Variants in RSPO2 observed in about 807,000 individuals in gnomAD.
RSPO2 encodes R-spondin 2, also known as R-spondin-2.
In RSPO2, 14 loss-of-function variants were observed where a neutral mutation model predicts 30.9. The observed-to-expected ratio is 0.45, with a 90% CI of 0.30 to 0.71. The LOEUF (loss-of-function observed/expected upper bound fraction) is 0.71. RSPO2 is among the 30% of genes least tolerant of loss of function. The pLI, the probability that RSPO2 is intolerant of heterozygous loss-of-function variation, is 0.08. For missense variants in RSPO2, 264 were observed against 301.9 expected (o/e 0.87, Z 0.93); for synonymous variants, 107 against 96.4 (o/e 1.11, Z -0.64).
chr8:107,994,042 G>A (rs1055636895), intron 2 of RSPO2, among the ~76,000 whole-genome samples: 1 of 152,018 alleles, frequency 6.6e-6, no homozygotes, highest in Admixed American at 6.6e-5. Context: ...ATGAGTTGGG[G>A]TCATGGGGTG....
chr8:107,952,288 T>C (rs904599954), intron 5 of RSPO2, among the ~76,000 whole-genome samples: 1 of 90,204 alleles, frequency 1.1e-5, no homozygotes, highest in African/African-American at 3.6e-5. Flanking sequence ...CACACACACA[T>C]GCACACACAC....
intron 2 of RSPO2, among the ~76,000 whole-genome samples, chr8:108,038,696 G>A (rs1008721445): frequency 4.6e-5 from 7 of 151,268 alleles, no homozygotes; most frequent in Non-Finnish European, 8.8e-5. Flanking sequence ...CAACATCAAA[G>A]CAAGACCCTC....
intron 5 of RSPO2, among the ~76,000 whole-genome samples, chr8:107,929,557 G>T (rs1411334725): frequency 6.6e-6 from 1 of 152,144 alleles, no homozygotes; most frequent in Non-Finnish European, 1.5e-5. Context: ...GGAGGACAGA[G>T]AACTTTTTCA....
chr8:107,948,831 G>A (rs1445422571), intron 5 of RSPO2, among the ~76,000 whole-genome samples: 1 of 150,136 alleles, frequency 6.7e-6, no homozygotes, highest in Non-Finnish European at 1.5e-5. Context: ...CTGTGCTCTA[G>A]CCTGGGCAAC....
chr8:107,933,449 T>C (rs1002331946), intron 5 of RSPO2, among the ~76,000 whole-genome samples: 1 of 152,184 alleles, frequency 6.6e-6, no homozygotes, highest in African/African-American at 2.4e-5. Context: ...CCCATTTATA[T>C]ATATAAATTT....
Position 107,936,315 on chromosome 8 carries a change from T to A in RSPO2, c.616+21765A>T, listed in dbSNP as rs898461125. On this transcript the variant is annotated intron_variant, in intron 5 of 5. Transcript: ENST00000276659. ...CAAATAGTATTCCATTGTGTTTATA[T>A]ACCACATTTTCTTTATCCTTTCATC... 4.6e-5 allele frequency among the ~76,000 whole-genome samples: 7 copies of A among 152,334 alleles called. No homozygotes were observed. In the East Asian group the frequency reaches 1.2e-3, roughly 25 times the overall value.
In RSPO2 at chr8:107,997,151, C is replaced by T. The variant is rs1364840569; in HGVS notation, c.95-7907G>A. On this transcript the variant is annotated intron_variant, in intron 2 of 5. Transcript: ENST00000276659. ...TCACCATTGTCCACTATTTTAGTGG[C>T]ATTCTCCCTGTTGTAAATCAATAGC... 1.9e-5 allele frequency: 4 copies of T among 210,514 alleles called. No homozygotes were observed. The East Asian group carries it at 5.9e-4, about 31-fold the overall frequency. 13.0% of individuals were successfully genotyped at this position (210,514 alleles called of 1,614,324 possible). A position where few individuals can be genotyped will look rare whatever the true frequency, so the allele number is the denominator to read the frequency against.
At chr8:107,940,096 G>T (rs1326798249) in intron 5 of RSPO2, among the ~76,000 whole-genome samples, 1 of 152,046 alleles carries the variant, frequency 6.6e-6, no homozygotes, top group Admixed American at 6.6e-5. Context: ...ACAACTTGAA[G>T]AAAGTTCTGC....
chr8:108,028,775 G>A (rs758847015), intron 2 of RSPO2, among the ~76,000 whole-genome samples: 11 of 152,060 alleles, frequency 7.2e-5, no homozygotes, highest in African/African-American at 1.4e-4. Flanking sequence ...TTTGTCATCC[G>A]GAAATCATGA....
At chr8:107,981,760 T>G (rs1814443317) in intron 3 of RSPO2, among the ~76,000 whole-genome samples, 1 of 152,036 alleles carries the variant, frequency 6.6e-6, no homozygotes, top group African/African-American at 2.4e-5. Flanking sequence ...CTTGCGAGGC[T>G]GAAGTGGGAG....
Position 108,071,727 on chromosome 8 carries a change from C to G in RSPO2, c.94+10818G>C, listed in dbSNP as rs143895944. ...AACAAGCAAGAGTTTCTCAAAATTC[C>G]CTTAAACACACACACATCTGAAGAA... On this transcript the variant is annotated intron_variant, in intron 2 of 5. Coordinates refer to ENST00000276659, the MANE Select transcript of RSPO2 (RefSeq NM_178565.5). Among the ~76,000 whole-genome samples, 18 of 152,288 alleles carry G rather than the reference C, an allele frequency of 1.2e-4. 1 individual carries two copies. The highest frequency in any genetic ancestry group is 3.4e-3 in the Middle Eastern group (1 of 294).
intron 5 of RSPO2, among the ~76,000 whole-genome samples, chr8:107,948,695 T>A (rs1813143577): frequency 6.6e-6 from 1 of 151,868 alleles, no homozygotes; most frequent in Non-Finnish European, 1.5e-5. Flanking sequence ...CTATCTCTAC[T>A]GAAAATACAA....
At chr8:107,949,441 A>G (rs1045280053) in intron 5 of RSPO2, among the ~76,000 whole-genome samples, 1 of 151,136 alleles carries the variant, frequency 6.6e-6, no homozygotes, top group African/African-American at 2.5e-5. Context: ...ACAATTTCGA[A>G]TTGTACTGCT....
At chr8:107,955,628 C>G (rs911504400) in intron 5 of RSPO2, among the ~76,000 whole-genome samples, 4 of 111,072 alleles carry the variant, frequency 3.6e-5, no homozygotes, top group Non-Finnish European at 8.8e-5. Context: ...CTAAGCATTA[C>G]ACTGTTTTTT....
intron 2 of RSPO2, among the ~76,000 whole-genome samples, chr8:108,056,576 T>G (rs1335329834): frequency 7.8e-6 from 1 of 128,482 alleles, no homozygotes. Flanking sequence ...TGAACCAAGA[T>G]GGCACCACTG....
At chr8:108,064,275 T>G (rs1250685729) in intron 2 of RSPO2, among the ~76,000 whole-genome samples, 1 of 152,118 alleles carries the variant, frequency 6.6e-6, no homozygotes, top group East Asian at 1.9e-4. Flanking sequence ...TTTTGCAATC[T>G]ACTCCTCTGA....
intron 3 of RSPO2, among the ~76,000 whole-genome samples, chr8:107,980,371 C>T (rs1319734065): frequency 6.6e-6 from 1 of 152,186 alleles, no homozygotes; most frequent in East Asian, 1.9e-4. Flanking sequence ...TAAATACCTA[C>T]TAATACTGTT....
At chr8:108,015,899 C>T (rs551240536) in intron 2 of RSPO2, among the ~76,000 whole-genome samples, 15 of 152,052 alleles carry the variant, frequency 9.9e-5, no homozygotes, top group Middle Eastern at 3.2e-3. Context: ...AAAAATAAGA[C>T]GCCAACTATC....
chr8:108,065,877 A>G (rs929079289), intron 2 of RSPO2, among the ~76,000 whole-genome samples: 31 of 152,070 alleles, frequency 2.0e-4, no homozygotes, highest in African/African-American at 6.8e-4. Context: ...ATCTCTACTA[A>G]AAATACAAAA....
Sources: allele counts gnomAD v4.1 joint callset (sites outside exome capture counted in the v4.1 genomes callset), GRCh38; gene constraint gnomAD v4.1.1; transcripts MANE v1.5; gene names NCBI Gene and HGNC (gene_info 2026-07-23, HGNC 2026-07-21).